Variants in CNTNAP4 observed in about 807,000 individuals in gnomAD.
CNTNAP4 encodes contactin associated protein family member 4, also known as contactin-associated protein-like 4.
A neutral mutation model predicts 148.4 loss-of-function variants in CNTNAP4; 98 were observed. The ratio of observed to expected loss-of-function variants is 0.66; its 90% confidence interval spans 0.56 to 0.78. The LOEUF is 0.78. Among genes scored for constraint, CNTNAP4 ranks in the 30% least tolerant of loss-of-function variants. The pLI, the probability that CNTNAP4 is intolerant of heterozygous loss-of-function variation, is 0.00. For synonymous variants in CNTNAP4, 730 were observed against 565.1 expected (o/e 1.29, Z -4.14); for missense variants, 1,935 against 1,565.6 (o/e 1.24, Z -3.98).
At chr16:76,304,690 T>C (rs9925920) in intron 1 of CNTNAP4, among the ~76,000 whole-genome samples, 44,377 of 151,886 alleles carry the variant, frequency 0.29, 7,303 homozygotes, top group Non-Finnish European at 0.39. Flanking sequence ...AAGCAATATA[T>C]GTGTGTCGCC....
chr16:76,302,666 A>G (rs549484926), intron 1 of CNTNAP4, among the ~76,000 whole-genome samples: 13 of 152,282 alleles, frequency 8.5e-5, no homozygotes, highest in African/African-American at 2.9e-4. Flanking sequence ...CATCTGCAAG[A>G]TTAGTTTTGC....
chr16:76,413,201 ATTCT>A (rs1485572036), intron 3 of CNTNAP4, among the ~76,000 whole-genome samples: 2 of 151,212 alleles, frequency 1.3e-5, no homozygotes, highest in African/African-American at 2.4e-5. Flanking sequence ...GGTCTTAGTC[ATTCT>A]TTCTGTTTGT....
chr16:76,525,684 CAT>C (rs1175385753), intron 17 of CNTNAP4, among the ~76,000 whole-genome samples: 16 of 143,512 alleles, frequency 1.1e-4, no homozygotes, highest in Admixed American at 7.0e-4. Flanking sequence ...TATATATAAA[CAT>C]ATTATAAACT....
At chr16:76,414,818 C>G (rs926795945) in intron 3 of CNTNAP4, among the ~76,000 whole-genome samples, 1 of 151,344 alleles carries the variant, frequency 6.6e-6, no homozygotes, top group Admixed American at 6.6e-5. Flanking sequence ...ATCATTATCA[C>G]TCTAATGTGT....
chr16:76,436,453 A>G (rs960812209), intron 4 of CNTNAP4, among the ~76,000 whole-genome samples: 4 of 148,824 alleles, frequency 2.7e-5, no homozygotes, highest in Non-Finnish European at 4.4e-5. Flanking sequence ...CACTCACATG[A>G]TAAGAGCTCA....
At chr16:76,328,583 T>TTAA (rs914453143) in intron 2 of CNTNAP4, among the ~76,000 whole-genome samples, 2 of 151,734 alleles carry the variant, frequency 1.3e-5, no homozygotes, top group South Asian at 2.1e-4. Flanking sequence ...TGGACCTTAG[T>TTAA]TAATAATAAT....
At chr16:76,292,191 A>C (rs540082466) in intron 1 of CNTNAP4, among the ~76,000 whole-genome samples, 1 of 152,278 alleles carries the variant, frequency 6.6e-6, no homozygotes, top group East Asian at 1.9e-4. Context: ...AATGTCATCC[A>C]ACTTTGTCTT....
At chr16:76,340,279 C>G (rs1964361608) in intron 2 of CNTNAP4, among the ~76,000 whole-genome samples, 1 of 152,174 alleles carries the variant, frequency 6.6e-6, no homozygotes, top group Non-Finnish European at 1.5e-5. Flanking sequence ...CCCCCAAATC[C>G]TATATGCTTA....
At chr16:76,493,111 G>C (rs1434100189) in intron 13 of CNTNAP4, among the ~76,000 whole-genome samples, 2 of 152,146 alleles carry the variant, frequency 1.3e-5, no homozygotes, top group African/African-American at 4.8e-5. Flanking sequence ...GTGTGGAATA[G>C]ATTTGAAGTG....
At chr16:76,385,616 T>C (rs1199211374) in intron 3 of CNTNAP4, among the ~76,000 whole-genome samples, 2 of 151,960 alleles carry the variant, frequency 1.3e-5, no homozygotes. Flanking sequence ...GTGGAAATTA[T>C]GTTCTATAAA....
intron 12 of CNTNAP4, among the ~76,000 whole-genome samples, chr16:76,485,336 C>G (rs564682443): frequency 3.3e-5 from 5 of 152,120 alleles, no homozygotes; most frequent in Non-Finnish European, 7.4e-5. Context: ...AGGCTGGTCT[C>G]GAACTCCCGA....
intron 1 of CNTNAP4, among the ~76,000 whole-genome samples, chr16:76,293,267 G>A (rs1266844582): frequency 6.6e-6 from 1 of 152,098 alleles, no homozygotes; most frequent in Non-Finnish European, 1.5e-5. Flanking sequence ...TGAGACTACA[G>A]GCATGTGCCA....
chr16:76,479,306 C>T (rs1207287742), intron 11 of CNTNAP4, 113 bp from the exon 12 acceptor site: 2 of 854,376 alleles, frequency 2.3e-6, no homozygotes, highest in Non-Finnish European at 3.3e-6. Context: ...GCCTTTTCTC[C>T]TGGTCAGTAA....
intron 3 of CNTNAP4, among the ~76,000 whole-genome samples, chr16:76,381,952 G>A (rs981336397): frequency 1.4e-4 from 21 of 151,424 alleles, no homozygotes; most frequent in African/African-American, 7.3e-5. Flanking sequence ...CCAGCTACTC[G>A]GGAGGCTGAG....
intron 3 of CNTNAP4, among the ~76,000 whole-genome samples, chr16:76,404,108 G>A (rs7189200): frequency 0.38 from 57,633 of 151,700 alleles, 11,190 homozygotes; most frequent in Middle Eastern, 0.49. Flanking sequence ...GGCGTAATAC[G>A]TGGGTAACAA....
chr16:76,542,527 G>A (rs2084507821), intron 21 of CNTNAP4, among the ~76,000 whole-genome samples: 1 of 152,142 alleles, frequency 6.6e-6, no homozygotes, highest in Non-Finnish European at 1.5e-5. Flanking sequence ...TCAGCTTTGG[G>A]GGAGGTAAGC....
intron 3 of CNTNAP4, among the ~76,000 whole-genome samples, chr16:76,385,624 A>G (rs986851714): frequency 1.4e-4 from 22 of 151,994 alleles, no homozygotes; most frequent in African/African-American, 4.4e-4. Flanking sequence ...TATGTTCTAT[A>G]AAGTTCCTGT....
chr16:76,530,883 G>A (rs973589081), intron 17 of CNTNAP4, among the ~76,000 whole-genome samples: 2 of 152,276 alleles, frequency 1.3e-5, no homozygotes, highest in South Asian at 2.1e-4. Context: ...ACCAGGAAGC[G>A]AACAGGGTTG....
chr16:76,336,160 A>G (rs975354773), intron 2 of CNTNAP4, among the ~76,000 whole-genome samples: 2 of 152,136 alleles, frequency 1.3e-5, no homozygotes, highest in African/African-American at 4.8e-5. Flanking sequence ...TCTACATGAG[A>G]AAGAATAGGA....
Sources: gnomAD v4.1 joint callset for allele counts (sites outside exome capture counted in the v4.1 genomes callset) on GRCh38, gnomAD v4.1.1 for gene constraint, MANE v1.5 for transcripts, NCBI Gene and HGNC (gene_info 2026-07-23, HGNC 2026-07-21) for gene names.